The following TAB1 variants were observed in gnomAD, a reference collection of about 807,000 sequenced individuals.
TAB1 encodes TGF-beta-activated kinase 1 and MAP3K7-binding protein 1.
TAB1 carries 30 observed loss-of-function variants against 54.5 expected under a neutral mutation model. The ratio of observed to expected loss-of-function variants is 0.55; its 90% CI spans 0.41 to 0.75. The LOEUF is 0.75. Among genes scored for constraint, TAB1 ranks in the 30% least tolerant of loss-of-function variants. TAB1 has a pLI of 0.00. For missense variants in TAB1, 609 were observed against 683.2 expected (o/e 0.89, Z 1.21); for synonymous variants, 289 against 286.9 (o/e 1.01, Z -0.07).
intron 10 of TAB1, chr22:39,429,225 G>A (rs551028712): frequency 8.1e-6 from 8 of 985,400 alleles, no homozygotes; most frequent in East Asian, 1.1e-4. Flanking sequence ...GTGGGTGCCC[G>A]TCCCCACCCA....
In TAB1 at chr22:39,430,811, G is replaced by T; in HGVS notation, c.*589G>T. The T allele has an allele frequency of 1.0e-6, 1 of 992,430 alleles. No homozygotes were observed. Among genetic ancestry groups the T allele is most frequent in the Non-Finnish European group, 1.2e-6 (1 of 833,354 alleles). The allele number at this position is 992,430 out of a possible 1,614,324, so 61.5% of individuals were successfully genotyped here. Reference sequence around the variant, plus strand: ...CAGGAGGACCAGGGCAGCATCTGGGGCCTGGGATGGCCACAGAAGGGGCAG... The same window carrying T: ...CAGGAGGACCAGGGCAGCATCTGGGTCCTGGGATGGCCACAGAAGGGGCAG... On this transcript the variant is annotated 3_prime_UTR_variant, in exon 11 of 11. Coordinates refer to ENST00000216160, the MANE Select transcript of TAB1 (RefSeq NM_006116.3).
chr22:39,433,712 TC>T, downstream of TAB1: 1 of 985,414 alleles, frequency 1.0e-6, no homozygotes, highest in Non-Finnish European at 1.2e-6. Flanking sequence ...GTCGGGATGT[TC>T]CTGCCAGTGG....
At chr22:39,432,382 C>T (rs1443051403), downstream of TAB1, 3 of 152,264 alleles carry the variant, frequency 2.0e-5, no homozygotes, top group Admixed American at 6.5e-5. Flanking sequence ...CTTTCTGGGA[C>T]GTAAGAACTC....
At chr22:39,411,032 A>G (rs927529826) in intron 1 of TAB1, among the ~76,000 whole-genome samples, 9 of 152,198 alleles carry the variant, frequency 5.9e-5, no homozygotes, top group African/African-American at 2.2e-4. Flanking sequence ...AGAGTCTAGA[A>G]GTAGACCCAC....
downstream of TAB1, among the ~76,000 whole-genome samples, chr22:39,435,413 G>A (rs1927745780): frequency 6.6e-6 from 1 of 152,156 alleles, no homozygotes; most frequent in South Asian, 2.1e-4. Flanking sequence ...AGGGCCAGGT[G>A]CCTTGCTGGG....
At chr22:39,401,103 C>T (rs912905936) in intron 1 of TAB1, among the ~76,000 whole-genome samples, 1 of 151,736 alleles carries the variant, frequency 6.6e-6, no homozygotes, top group Non-Finnish European at 1.5e-5. Flanking sequence ...TCTTGTTTAC[C>T]GCTGTGTCTC....
downstream of TAB1, chr22:39,436,754 GC>G: frequency 1.7e-6 from 1 of 599,696 alleles, no homozygotes; most frequent in Non-Finnish European, 3.0e-6. Flanking sequence ...ACCTAGAATG[GC>G]CCATCCTTCA....
downstream of TAB1, chr22:39,436,687 C>A (rs563780662): frequency 4.4e-5 from 36 of 821,066 alleles, no homozygotes; most frequent in Admixed American, 2.9e-4. Flanking sequence ...CCCGCCCCCT[C>A]CCCGGGACTG....
intron 1 of TAB1, among the ~76,000 whole-genome samples, chr22:39,405,545 G>A (rs542360713): frequency 2.0e-5 from 3 of 152,300 alleles, no homozygotes; most frequent in Admixed American, 6.5e-5. Context: ...GCGCTCCAGC[G>A]CCGCTCACGG....
downstream of TAB1, among the ~76,000 whole-genome samples, chr22:39,434,046 G>A (rs1354151640): frequency 6.6e-6 from 1 of 152,232 alleles, no homozygotes; most frequent in African/African-American, 2.4e-5. Flanking sequence ...CATGGCATGA[G>A]TCAGGGAGGA....
At position 39,415,188 on chromosome 22, in the gene TAB1, T is replaced by A; in HGVS notation, c.170+46T>A. 6.5e-7 allele frequency: 1 copy of A among 1,532,854 alleles called. No homozygotes were observed. Among genetic ancestry groups the A allele is most frequent in the Non-Finnish European group, 8.8e-7 (1 of 1,137,568 alleles). The allele number at this position is 1,532,854 out of a possible 1,614,324, so 95.0% of individuals were successfully genotyped here. A position where few individuals can be genotyped will look rare whatever the true frequency, so the allele number is the denominator to read the frequency against. On this transcript the variant is annotated intron_variant, in intron 2 of 10. Transcript: ENST00000216160. The surrounding 1 kb of genome is among the most constrained non-coding windows in gnomAD (Gnocchi z 4.9). The stretch of plus-strand genomic sequence containing the variant: ...GTGTTGGGCCCGGGGAGTTGGTTGG[T>A]TTGCAAGCAAGGAAAGACACCGACC...
chr22:39,432,942 G>T, downstream of TAB1: 1 of 985,448 alleles, frequency 1.0e-6, no homozygotes, highest in Non-Finnish European at 1.2e-6. Context: ...AGGAGTCAAG[G>T]TAAGGAAAGT....
intron 1 of TAB1, among the ~76,000 whole-genome samples, chr22:39,407,169 A>G (rs1926401554): frequency 6.6e-6 from 1 of 152,218 alleles, no homozygotes; most frequent in Non-Finnish European, 1.5e-5. Context: ...AACTCACAGG[A>G]AAAGGACTTT....
At position 39,426,708 on chromosome 22, in the gene TAB1, T is replaced by G. The variant is rs1430829219; in HGVS notation, c.927T>G (p.Ile309Met). The part of the protein sequence containing the change: ...AHGPGQANQE[I>M]AAMIDTEFAK... ...CTTCCTACCCCCTCCCCCAGGAGAT[T>G]GCTGCGATGATTGACACTGAGTTTG... The change falls in exon 9 of 11, where the codon ATT becomes ATG. Residue 309 changes from isoleucine (I) to methionine (M), a missense_variant. Ile to Met is a conservative substitution (Grantham distance 10, BLOSUM62 1). Coordinates refer to ENST00000216160, the MANE Select transcript of TAB1 (RefSeq NM_006116.3). The G allele has an allele frequency of 6.3e-7, 1 of 1,599,628 alleles. No individual in the cohort carries two copies. The highest frequency in any genetic ancestry group is 1.7e-5 in the Admixed American group (1 of 59,682).
intron 8 of TAB1, among the ~76,000 whole-genome samples, chr22:39,425,144 G>A (rs143235949): frequency 0.042 from 6,382 of 151,946 alleles, 457 homozygotes; most frequent in African/African-American, 0.15. Flanking sequence ...AGGCTGAGGC[G>A]GGAAGATCAC....
At chr22:39,436,764 C>A, downstream of TAB1, 1 of 594,534 alleles carries the variant, frequency 1.7e-6, no homozygotes, top group South Asian at 2.0e-5. Flanking sequence ...GCCCATCCTT[C>A]AGGACCCAGC....
chr22:39,434,319 C>T (rs1025299561), downstream of TAB1, among the ~76,000 whole-genome samples: 17 of 152,246 alleles, frequency 1.1e-4, no homozygotes, highest in Non-Finnish European at 2.1e-4. Flanking sequence ...AAGCAGGTAC[C>T]GGGTCGATGC....
intron 1 of TAB1, among the ~76,000 whole-genome samples, chr22:39,410,425 C>T (rs1001664031): frequency 6.6e-6 from 1 of 151,832 alleles, no homozygotes; most frequent in Non-Finnish European, 1.5e-5. Context: ...TTTCTTTTGG[C>T]GTTGCTTGTA....
intron 1 of TAB1, 36 bp from the exon 2 acceptor site, chr22:39,414,970 G>A (rs377409999): frequency 6.8e-6 from 11 of 1,612,280 alleles, no homozygotes; most frequent in Middle Eastern, 1.8e-4. Flanking sequence ...CTGCAGACGC[G>A]GTGGCGTCTC....
Sources: allele counts gnomAD v4.1 joint callset (sites outside exome capture counted in the v4.1 genomes callset), GRCh38; gene constraint gnomAD v4.1.1; non-coding constraint Gnocchi (gnomAD v3.1); transcripts MANE v1.5; gene names NCBI Gene and HGNC (gene_info 2026-07-23, HGNC 2026-07-21).